DRC5: variants seen among roughly 807,000 people sequenced by gnomAD.
The protein encoded by DRC5 is T-complex-associated testis-expressed protein 1.
chr6:44,285,883 T>C, the DRC5 span: 3 of 1,281,960 alleles, frequency 2.3e-6, no homozygotes, highest in Middle Eastern at 6.6e-4. Context: ...AAGAAGGCAA[T>C]AATAGAGGAG....
the DRC5 span, chr6:44,287,502 C>A: frequency 2.6e-6 from 4 of 1,557,822 alleles, no homozygotes; most frequent in East Asian, 2.3e-5. Context: ...CCCACCTAGC[C>A]CCCCTCTTGG....
chr6:44,282,338 G>C, the DRC5 span: 1 of 1,614,226 alleles, frequency 6.2e-7, no homozygotes, highest in Non-Finnish European at 8.5e-7. Context: ...GTGCCAGAGC[G>C]TGAGCCAGGG....
chr6:44,288,644 A>G, the DRC5 span, among the ~76,000 whole-genome samples: 1 of 152,350 alleles, frequency 6.6e-6, no homozygotes, highest in African/African-American at 2.4e-5. Context: ...AATGCAAGCC[A>G]AAATGCAAGC....
chr6:44,286,318 T>C, the DRC5 span: 4 of 1,613,554 alleles, frequency 2.5e-6, no homozygotes, highest in South Asian at 4.4e-5. Context: ...TAAAGTGCTT[T>C]AGCAGGTTCT....
chr6:44,280,179 T>C, the DRC5 span: 4 of 1,613,300 alleles, frequency 2.5e-6, no homozygotes, highest in South Asian at 3.3e-5. Context: ...AGTCAGGTCA[T>C]TTTATCCCAC....
the DRC5 span, chr6:44,278,895 C>CACACT: frequency 1.9e-5 from 2 of 107,298 alleles, no homozygotes; most frequent in African/African-American, 6.3e-5. Context: ...ACACACACAC[C>CACACT]CTCACACCTA....
chr6:44,286,233 C>T, the DRC5 span: 6 of 1,612,332 alleles, frequency 3.7e-6, no homozygotes, highest in African/African-American at 5.3e-5. Flanking sequence ...AACTGATCGA[C>T]GTGGACCCTG....
At chr6:44,296,176 T>A in the DRC5 span, among the ~76,000 whole-genome samples, 1 of 152,214 alleles carries the variant, frequency 6.6e-6, no homozygotes, top group African/African-American at 2.4e-5. Context: ...CTTACTTCCA[T>A]GAGATGCTGG....
the DRC5 span, chr6:44,286,165 G>A: frequency 6.2e-7 from 1 of 1,613,352 alleles, no homozygotes; most frequent in Non-Finnish European, 8.5e-7. Context: ...CTCCCTCGCT[G>A]CCTGAGTCGG....
At chr6:44,297,448 G>A in the DRC5 span, among the ~76,000 whole-genome samples, 2 of 152,190 alleles carry the variant, frequency 1.3e-5, no homozygotes, top group African/African-American at 4.8e-5. Context: ...AGGAGGCGCG[G>A]GGCGTCCTCG....
At chr6:44,285,825 G>A in the DRC5 span, 3 of 778,018 alleles carry the variant, frequency 3.9e-6, no homozygotes, top group South Asian at 3.6e-5. Context: ...GTATCTTGGT[G>A]CAGGGTGCAT....
At chr6:44,280,151 G>A in the DRC5 span, 1 of 1,589,994 alleles carries the variant, frequency 6.3e-7, no homozygotes, top group African/African-American at 1.3e-5. Context: ...TGAGGGATGG[G>A]GCTGGGGCCA....
chr6:44,291,181 G>A, the DRC5 span, among the ~76,000 whole-genome samples: 1 of 152,106 alleles, frequency 6.6e-6, no homozygotes, highest in African/African-American at 2.4e-5. Context: ...ATACCATAAG[G>A]CCTGATGTCA....
At chr6:44,293,002 CTTTTGACCAAAAGGTCCTGCCCCA>C in the DRC5 span, among the ~76,000 whole-genome samples, 1 of 152,192 alleles carries the variant, frequency 6.6e-6, no homozygotes, top group Non-Finnish European at 1.5e-5. Context: ...GTTTCTACTC[CTTTTGACCAAAAGGTCCTGCCCCA>C]TTTTGACCAA....
chr6:44,293,192 A>G, the DRC5 span, among the ~76,000 whole-genome samples: 1 of 151,700 alleles, frequency 6.6e-6, no homozygotes, highest in Non-Finnish European at 1.5e-5. Context: ...GACTACATTG[A>G]GCCTCTAGTC....
At chr6:44,281,565 A>G in the DRC5 span, among the ~76,000 whole-genome samples, 1 of 152,206 alleles carries the variant, frequency 6.6e-6, no homozygotes, top group Non-Finnish European at 1.5e-5. Flanking sequence ...TTGTATTTTT[A>G]GTAGATATGG....
the DRC5 span, chr6:44,287,810 T>A: frequency 6.2e-7 from 1 of 1,613,922 alleles, no homozygotes; most frequent in South Asian, 1.1e-5. Context: ...GCTGATGTCG[T>A]TACGGTATCC....
the DRC5 span, among the ~76,000 whole-genome samples, chr6:44,291,924 T>G: frequency 4.2e-5 from 5 of 120,136 alleles, no homozygotes; most frequent in Non-Finnish European, 8.3e-5. Context: ...CACCCCACCA[T>G]CTAGTTACTG....
the DRC5 span, chr6:44,280,082 C>T: frequency 1.8e-6 from 2 of 1,119,046 alleles, no homozygotes; most frequent in Non-Finnish European, 2.7e-6. Context: ...CACAGTCCCC[C>T]TCCCCGCTCC....
Sources: allele counts gnomAD v4.1 joint callset (sites outside exome capture counted in the v4.1 genomes callset), GRCh38; gene constraint gnomAD v4.1.1; transcripts MANE v1.5; gene names NCBI Gene and HGNC (gene_info 2026-07-23, HGNC 2026-07-21).